METTL16: variants seen among roughly 807,000 people sequenced by gnomAD.
METTL16 encodes RNA N(6)-adenosine-methyltransferase METTL16.
In METTL16, 19 loss-of-function variants were observed where a neutral mutation model predicts 57.9. That is an observed-to-expected ratio of 0.33 (90% CI 0.23 to 0.48). The LOEUF (loss-of-function observed/expected upper bound fraction) is 0.48, where lower values mean the gene tolerates loss of function less well. Ranked by LOEUF, METTL16 falls within the 20% of genes least tolerant of loss-of-function variation. The pLI is 0.99. For missense variants in METTL16, 434 were observed against 691.5 expected (o/e 0.63, Z 4.18); for synonymous variants, 246 against 255.6 (o/e 0.96, Z 0.36).
intron 1 of METTL16, among the ~76,000 whole-genome samples, chr17:2,511,412 C>T (rs934539817): frequency 6.6e-6 from 1 of 152,182 alleles, no homozygotes; most frequent in African/African-American, 2.4e-5. Context: ...TTCGCCTTCT[C>T]TCATAAATCC....
At chr17:2,502,516 C>T (rs1056542431) in intron 1 of METTL16, among the ~76,000 whole-genome samples, 185 bp from the exon 2 acceptor site, 1 of 152,038 alleles carries the variant, frequency 6.6e-6, no homozygotes, top group African/African-American at 2.4e-5. Flanking sequence ...CCCGTCTCTA[C>T]TAAAAATACA....
At chr17:2,427,240 G>T (rs1189433364) in intron 8 of METTL16, among the ~76,000 whole-genome samples, 1 of 152,132 alleles carries the variant, frequency 6.6e-6, no homozygotes, top group South Asian at 2.1e-4. Context: ...TGAGATAGAA[G>T]AAAGAAGTCA....
rs916368324 is a variant in METTL16, at chr17:2,510,617, C to T, written c.-1+1142G>A. Among the ~76,000 whole-genome samples the T allele has an allele frequency of 2.6e-5, 4 of 152,106 alleles. No homozygotes were observed. The South Asian group carries it at 8.3e-4, about 32-fold the overall frequency. On this transcript the variant is annotated intron_variant, in intron 1 of 9. Transcript: ENST00000263092. The stretch of plus-strand genomic sequence containing the variant: ...AACCTCCCAATATAGGCAATGAGTT[C>T]TTAGCTAAATATAACCTATTCTTCA...
At chr17:2,441,445 A>C (rs1365112911) in intron 7 of METTL16, 45 bp downstream of exon 7, 1 of 1,414,942 alleles carries the variant, frequency 7.1e-7, no homozygotes, top group Non-Finnish European at 9.6e-7. Flanking sequence ...CCCCATGGAT[A>C]CAAAGAAAAG....
intron 6 of METTL16, among the ~76,000 whole-genome samples, chr17:2,447,224 T>C (rs185907362): frequency 0.018 from 2,657 of 147,710 alleles, 153 homozygotes; most frequent in East Asian, 0.12. Context: ...GGAGCACCTC[T>C]GACCCGCCGC....
At chr17:2,430,461 G>C (rs2066865048) in intron 8 of METTL16, among the ~76,000 whole-genome samples, 1 of 143,360 alleles carries the variant, frequency 7.0e-6, no homozygotes, top group African/African-American at 2.7e-5. Context: ...TGTCGCCCAG[G>C]CTGGAGTGCA....
chr17:2,450,423 G>T (rs2067060144), intron 6 of METTL16, among the ~76,000 whole-genome samples: 1 of 152,160 alleles, frequency 6.6e-6, no homozygotes, highest in African/African-American at 2.4e-5. Context: ...AAGTACATCA[G>T]GGCTACAGGA....
At chr17:2,481,508 GGA>G (rs993362914) in intron 2 of METTL16, among the ~76,000 whole-genome samples, 4 of 152,106 alleles carry the variant, frequency 2.6e-5, no homozygotes, top group Non-Finnish European at 5.9e-5. Flanking sequence ...AATTCAGGAA[GGA>G]GAGAGTGGCC....
chr17:2,463,608 C>CATG (rs2067168394), intron 6 of METTL16, among the ~76,000 whole-genome samples: 1 of 151,848 alleles, frequency 6.6e-6, no homozygotes, highest in Non-Finnish European at 1.5e-5. Flanking sequence ...ACTACAGGCA[C>CATG]CCACCACCAC....
In METTL16 at chr17:2,484,457, C is replaced by T. The variant is rs571632853; in HGVS notation, c.129-6572G>A. Among the ~76,000 whole-genome samples the T allele has an allele frequency of 2.0e-5, 3 of 151,980 alleles. No homozygotes were observed. In the East Asian group the frequency reaches 5.8e-4, roughly 29 times the overall value. On this transcript the variant is annotated intron_variant, in intron 2 of 9. Transcript: ENST00000263092. ...ACTTTTAGTAGCACTATGCCAGATG[C>T]CACAAATGACCATTTCAAAGGTTAT...
intron 1 of METTL16, among the ~76,000 whole-genome samples, chr17:2,507,368 A>T (rs1385840327): frequency 7.1e-6 from 1 of 140,314 alleles, no homozygotes; most frequent in African/African-American, 2.7e-5. Flanking sequence ...CCCGTCCGGG[A>T]GGGAGGTGGG....
intron 6 of METTL16, among the ~76,000 whole-genome samples, chr17:2,450,579 A>G (rs2067061346): frequency 6.6e-6 from 1 of 152,204 alleles, no homozygotes; most frequent in African/African-American, 2.4e-5. Context: ...TGACTGAAAT[A>G]TATAAATTTA....
At chr17:2,457,877 C>T (rs188557632) in intron 6 of METTL16, among the ~76,000 whole-genome samples, 6 of 152,068 alleles carry the variant, frequency 3.9e-5, no homozygotes, top group Non-Finnish European at 7.4e-5. Flanking sequence ...ATTCAAAAGG[C>T]CCAGATTATT....
At chr17:2,501,298 G>C (rs1026396157) in intron 2 of METTL16, among the ~76,000 whole-genome samples, 1 of 151,954 alleles carries the variant, frequency 6.6e-6, no homozygotes, top group African/African-American at 2.4e-5. Context: ...AGCATGGTAG[G>C]GCACACTTGG....
At chr17:2,449,581 C>T (rs1238118439) in intron 6 of METTL16, among the ~76,000 whole-genome samples, 6 of 152,160 alleles carry the variant, frequency 3.9e-5, no homozygotes, top group African/African-American at 1.4e-4. Flanking sequence ...GATTTCAAGA[C>T]TTCTACAAAG....
chr17:2,493,446 C>A (rs1186624617), intron 2 of METTL16, among the ~76,000 whole-genome samples: 1 of 151,596 alleles, frequency 6.6e-6, no homozygotes, highest in South Asian at 2.1e-4. Flanking sequence ...AGGCTGGGCG[C>A]TGTGGCTCAC....
chr17:2,474,889 C>T (rs1157129110), intron 3 of METTL16, among the ~76,000 whole-genome samples: 2 of 150,606 alleles, frequency 1.3e-5, no homozygotes, highest in Non-Finnish European at 2.9e-5. Context: ...CATTGCACTC[C>T]AGCCTAGGTG....
At chr17:2,428,774 G>A (rs1232383447) in intron 8 of METTL16, among the ~76,000 whole-genome samples, 1 of 150,990 alleles carries the variant, frequency 6.6e-6, no homozygotes, top group Non-Finnish European at 1.5e-5. Flanking sequence ...GACTTCATAA[G>A]ATGCTACAAA....
intron 4 of METTL16, among the ~76,000 whole-genome samples, chr17:2,469,071 CT>C (rs1253099045): frequency 6.6e-6 from 1 of 151,878 alleles, no homozygotes; most frequent in Non-Finnish European, 1.5e-5. Flanking sequence ...CCTGTCCCTA[CT>C]AAAAAATTAC....
Sources: allele counts gnomAD v4.1 joint callset (sites outside exome capture counted in the v4.1 genomes callset), GRCh38; gene constraint gnomAD v4.1.1; transcripts MANE v1.5; gene names NCBI Gene and HGNC (gene_info 2026-07-23, HGNC 2026-07-21).